The following NEK2 variants were observed in gnomAD, a reference collection of about 807,000 sequenced individuals.
The protein encoded by NEK2 is NIMA related kinase 2, also known as serine/threonine-protein kinase Nek2.
In NEK2, 28 loss-of-function variants were observed where a neutral mutation model predicts 54.1. That is an observed-to-expected ratio of 0.52 (90% CI 0.38 to 0.71). The LOEUF (loss-of-function observed/expected upper bound fraction) is 0.71, where lower values mean the gene tolerates loss of function less well. Ranked by LOEUF, NEK2 falls within the 30% of genes least tolerant of loss-of-function variation. NEK2 has a pLI of 0.00. For missense variants in NEK2, 407 were observed against 531.5 expected (o/e 0.77, Z 2.30); for synonymous variants, 176 against 193.1 (o/e 0.91, Z 0.73).
intron 4 of NEK2, 171 bp downstream of exon 4, chr1:211,671,031 G>T: frequency 3.4e-6 from 2 of 586,794 alleles, no homozygotes; most frequent in South Asian, 2.0e-5. Flanking sequence ...GTTTTAATTT[G>T]TGAATAGTTT....
At chr1:211,670,604 GT>G (rs974863620) in intron 4 of NEK2, among the ~76,000 whole-genome samples, 197 bp from the exon 5 acceptor site, 1 of 152,138 alleles carries the variant, frequency 6.6e-6, no homozygotes, top group Admixed American at 6.5e-5. Flanking sequence ...ATTCTTTGTT[GT>G]GGGGGGCTGT....
rs557200513 is a variant in NEK2 at position 211,670,092 on chromosome 1, A to G, written c.765+189T>C. Among the ~76,000 whole-genome samples the G allele has an allele frequency of 2.0e-5, 3 of 152,336 alleles. No individual in the cohort carries two copies. The South Asian group carries it at 6.2e-4, about 32-fold the overall frequency. ...GGGAGGAGAAATAAAGAAAGCGCAG[A>G]AGGTGGGCCAGCAAGGATGTGCAAT... On this transcript the variant is annotated intron_variant, in intron 5 of 7. Coordinates refer to ENST00000366999, the MANE Select transcript of NEK2 (RefSeq NM_002497.4).
downstream of NEK2, chr1:211,660,381 CT>C (rs1012571131): frequency 4.3e-5 from 27 of 627,356 alleles, no homozygotes; most frequent in African/African-American, 3.8e-4. Flanking sequence ...TGGCCTCCTT[CT>C]GCCCCTAATT....
intron 7 of NEK2, among the ~76,000 whole-genome samples, chr1:211,666,116 A>G (rs1049524652): frequency 6.6e-6 from 1 of 152,232 alleles, no homozygotes; most frequent in African/African-American, 2.4e-5. Flanking sequence ...GAGGGTTTCT[A>G]TAAAATGGAG....
At chr1:211,673,790 A>T in intron 2 of NEK2, 67 bp from the exon 3 acceptor site, 3 of 1,459,440 alleles carry the variant, frequency 2.1e-6, no homozygotes, top group East Asian at 2.3e-5. Flanking sequence ...GGATGATATA[A>T]ATTATCCAGT....
intron 3 of NEK2, 105 bp from the exon 4 acceptor site, chr1:211,671,389 A>C: frequency 1.3e-6 from 1 of 762,000 alleles, no homozygotes; most frequent in Non-Finnish European, 2.2e-6. Flanking sequence ...ACAGAACCTC[A>C]AAGTTTTTAG....
At chr1:211,667,467 A>C (rs1655217364) in intron 6 of NEK2, among the ~76,000 whole-genome samples, 2 of 152,208 alleles carry the variant, frequency 1.3e-5, no homozygotes, top group Non-Finnish European at 2.9e-5. Flanking sequence ...ACAAATACAA[A>C]GTTAGCTTCA....
intron 3 of NEK2, among the ~76,000 whole-genome samples, 200 bp downstream of exon 3, chr1:211,673,283 C>T (rs1655456956): frequency 6.6e-6 from 1 of 152,010 alleles, no homozygotes. Context: ...GTGACATGCA[C>T]CTGTAGTCCC....
chr1:211,663,670 A>G lies in NEK2; in HGVS notation c.1112-18T>C, dbSNP rs1181865351. On this transcript the variant is annotated intron_variant, in intron 7 of 7. Coordinates refer to ENST00000366999, the MANE Select transcript of NEK2 (RefSeq NM_002497.4). ...AAGAAGTTCTTTAGAAGGAAAAAGA[A>G]AAAGGGCTCTGAGTTACTTGAACAG... 3 of 1,609,984 alleles carry G rather than the reference A, an allele frequency of 1.9e-6. No individual in the cohort carries two copies. The highest frequency in any genetic ancestry group is 1.7e-5 in the Admixed American group (1 of 59,598).
intron 7 of NEK2, among the ~76,000 whole-genome samples, chr1:211,665,035 T>C (rs1655134206): frequency 6.6e-6 from 1 of 152,256 alleles, no homozygotes; most frequent in Non-Finnish European, 1.5e-5. Flanking sequence ...GAAAGTGTTT[T>C]AAAAACATTT....
At chr1:211,670,004 C>T (rs1464048610) in intron 5 of NEK2, among the ~76,000 whole-genome samples, 3 of 152,154 alleles carry the variant, frequency 2.0e-5, no homozygotes, top group Non-Finnish European at 4.4e-5. Flanking sequence ...ACAAGGGGAA[C>T]GAGAATTTGA....
chr1:211,658,754 G>GAAA (rs146064437), downstream of NEK2: 7 of 164,678 alleles, frequency 4.3e-5, no homozygotes, highest in African/African-American at 6.5e-5. Flanking sequence ...AAAAAGGAAA[G>GAAA]AAAAAAAAAG....
downstream of NEK2, chr1:211,661,408 A>T: frequency 3.3e-6 from 1 of 300,688 alleles, no homozygotes; most frequent in Admixed American, 4.4e-5. Context: ...TATTGGTAAC[A>T]CTTTGAAATT....
downstream of NEK2, chr1:211,660,732 G>T: frequency 1.5e-6 from 1 of 682,836 alleles, no homozygotes; most frequent in South Asian, 1.4e-5. Flanking sequence ...CTGTGATGGG[G>T]TCCAGGGTCT....
chr1:211,670,929 G>A (rs1485904964), intron 4 of NEK2, among the ~76,000 whole-genome samples: 1 of 152,092 alleles, frequency 6.6e-6, no homozygotes. Context: ...CCTGACCTAT[G>A]TGCTCTCCCT....
chr1:211,671,724 C>T (rs1243107193), intron 3 of NEK2, among the ~76,000 whole-genome samples: 1 of 152,204 alleles, frequency 6.6e-6, no homozygotes, highest in Non-Finnish European at 1.5e-5. Flanking sequence ...ACAGTAGTAA[C>T]TAATATTATC....
Position 211,675,559 on chromosome 1 carries a change from G to A in NEK2, c.-80C>T. 1 of 1,232,908 alleles carries A rather than the reference G, an allele frequency of 8.1e-7. No homozygotes were observed. Among genetic ancestry groups the A allele is most frequent in the Non-Finnish European group, 1.2e-6 (1 of 841,428 alleles). 76.4% of individuals were successfully genotyped at this position (1,232,908 alleles called of 1,614,324 possible). On this transcript the variant is annotated 5_prime_UTR_variant, in exon 1 of 8. Coordinates refer to ENST00000366999, the MANE Select transcript of NEK2 (RefSeq NM_002497.4). ...GGAGCTCCAGGGACCAGGAACTCCAGGGACCTGGATGGAGAAGCCCCCGAG... is the reference window on the plus strand; with the variant it reads ...GGAGCTCCAGGGACCAGGAACTCCAAGGACCTGGATGGAGAAGCCCCCGAG...
chr1:211,665,956 G>A (rs1655165329), intron 7 of NEK2, among the ~76,000 whole-genome samples: 1 of 152,182 alleles, frequency 6.6e-6, no homozygotes. Flanking sequence ...GAATAAGGGA[G>A]TTATAAAAAC....
rs776779483 is a variant in NEK2, at chr1:211,674,323, C to T, written c.287G>A (p.Ser96Asn). The stretch of plus-strand genomic sequence containing the variant: ...TTCCTTGGTTCCCTTTGTAATTACA[C>T]TAGCCAGATCCCCTCCTTCACAATA... The part of the protein sequence containing the change: ...MEYCEGGDLA[S>N]VITKGTKERQ... Residue 96 changes from serine (S) to asparagine (N), a missense_variant, in exon 2 of 8, where the codon AGT becomes AAT. Transcript: ENST00000366999. The T allele has an allele frequency of 5.0e-6, 8 of 1,613,144 alleles. No homozygotes were observed. In the South Asian group the frequency reaches 8.8e-5, roughly 18 times the overall value.
Sources: gnomAD v4.1 joint callset for allele counts (sites outside exome capture counted in the v4.1 genomes callset) on GRCh38, gnomAD v4.1.1 for gene constraint, MANE v1.5 for transcripts, NCBI Gene and HGNC (gene_info 2026-07-23, HGNC 2026-07-21) for gene names.